ANKRD55: variants seen among roughly 807,000 people sequenced by gnomAD.
ANKRD55 encodes ankyrin repeat domain 55.
A neutral mutation model predicts 60.6 loss-of-function variants in ANKRD55; 41 were observed. The observed-to-expected ratio is 0.68, with a 90% CI of 0.53 to 0.88. ANKRD55 has a LOEUF of 0.88. Ranked by LOEUF, ANKRD55 falls within the 40% of genes least tolerant of loss-of-function variation. The pLI, the probability that ANKRD55 is intolerant of heterozygous loss-of-function variation, is 0.00. For synonymous variants in ANKRD55, 264 were observed against 290.3 expected, an observed-to-expected ratio of 0.91 and a Z score of 0.92; for missense variants, 732 against 767.6, an observed-to-expected ratio of 0.95 and a Z score of 0.55.
chr5:56,191,974 T>C (rs1336575685), intron 2 of ANKRD55, among the ~76,000 whole-genome samples: 1 of 152,234 alleles, frequency 6.6e-6, no homozygotes, highest in Non-Finnish European at 1.5e-5. Flanking sequence ...AAGAAAAGTA[T>C]GACTGATGGT....
intron 2 of ANKRD55, among the ~76,000 whole-genome samples, chr5:56,213,486 A>T (rs533441744): frequency 6.6e-6 from 1 of 152,070 alleles, no homozygotes; most frequent in African/African-American, 2.4e-5. Flanking sequence ...AAAACAACAA[A>T]CAAAAAGTAG....
At chr5:56,181,188 A>G (rs1758842519) in intron 3 of ANKRD55, among the ~76,000 whole-genome samples, 2 of 152,162 alleles carry the variant, frequency 1.3e-5, no homozygotes. Context: ...AAAATGAAAG[A>G]TGTATGCTTT....
intron 7 of ANKRD55, among the ~76,000 whole-genome samples, chr5:56,130,370 A>G (rs1476970887): frequency 2.0e-5 from 3 of 152,196 alleles, no homozygotes; most frequent in Admixed American, 2.0e-4. Flanking sequence ...ACCCAACTCC[A>G]GCCCACTCTA....
At chr5:56,110,233 CAA>C (rs11445540) in intron 10 of ANKRD55, among the ~76,000 whole-genome samples, 63 of 113,868 alleles carry the variant, frequency 5.5e-4, no homozygotes, top group East Asian at 7.7e-4. Context: ...TCCATCTCTA[CAA>C]AAAAAAAAAA....
chr5:56,141,130 GTT>G (rs33972955), intron 7 of ANKRD55, among the ~76,000 whole-genome samples: 32 of 111,762 alleles, frequency 2.9e-4, no homozygotes, highest in African/African-American at 8.3e-4. Flanking sequence ...TGCACACACA[GTT>G]TTTTTTTTTT....
At chr5:56,142,712 C>A (rs1033600018) in intron 7 of ANKRD55, among the ~76,000 whole-genome samples, 3 of 152,214 alleles carry the variant, frequency 2.0e-5, no homozygotes, top group African/African-American at 7.2e-5. Context: ...GTGGTGACCC[C>A]TGACCAGCCA....
chr5:56,210,382 G>A (rs1052368929), intron 2 of ANKRD55, among the ~76,000 whole-genome samples: 1 of 151,934 alleles, frequency 6.6e-6, no homozygotes, highest in Non-Finnish European at 1.5e-5. Context: ...AGACCACGGT[G>A]AAACCCCGTC....
chr5:56,172,156 A>T (rs1325447973), intron 4 of ANKRD55, among the ~76,000 whole-genome samples: 5 of 151,920 alleles, frequency 3.3e-5, no homozygotes, highest in African/African-American at 9.7e-5. Context: ...TAATAAATGC[A>T]TGGAGAAGAA....
intron 7 of ANKRD55, among the ~76,000 whole-genome samples, chr5:56,143,582 G>T (rs185507361): frequency 3.3e-5 from 5 of 152,202 alleles, no homozygotes; most frequent in Non-Finnish European, 5.9e-5. Flanking sequence ...GAGAGAATGA[G>T]AGGGGTATGT....
chr5:56,118,410 G>A (rs1314158219), intron 8 of ANKRD55, among the ~76,000 whole-genome samples: 2 of 152,120 alleles, frequency 1.3e-5, no homozygotes, highest in African/African-American at 2.4e-5. Context: ...TGGATCACAA[G>A]GTCAGGAGAT....
intron 5 of ANKRD55, among the ~76,000 whole-genome samples, chr5:56,168,896 G>A (rs947955618): frequency 2.0e-5 from 3 of 152,190 alleles, no homozygotes; most frequent in African/African-American, 2.4e-5. Context: ...TCACTTTGTC[G>A]CCCAGCCTGG....
intron 2 of ANKRD55, among the ~76,000 whole-genome samples, chr5:56,195,138 A>G (rs1264402573): frequency 6.6e-6 from 1 of 152,218 alleles, no homozygotes; most frequent in Non-Finnish European, 1.5e-5. Flanking sequence ...ATGCTGACTT[A>G]CTATTTTGGG....
intron 7 of ANKRD55, among the ~76,000 whole-genome samples, chr5:56,139,318 G>C: frequency 6.6e-6 from 1 of 152,148 alleles, no homozygotes; most frequent in Non-Finnish European, 1.5e-5. Flanking sequence ...TCTGTTCTGG[G>C]TGTTGAGACA....
chr5:56,156,491 T>TG (rs1285978945), intron 6 of ANKRD55, among the ~76,000 whole-genome samples: 1 of 152,238 alleles, frequency 6.6e-6, no homozygotes, highest in African/African-American at 2.4e-5. Context: ...ATGTCTTTGC[T>TG]GGGGGGTTGC....
In ANKRD55 at chr5:56,157,626, A is replaced by G. The variant is rs1403883101; in HGVS notation, c.483+2207T>C. Reference sequence around the variant, plus strand: ...GGCAATACTGCTCTTTAAGGCATTGAGATGTTTATGTATGTGCACATCAAA... The same window carrying G: ...GGCAATACTGCTCTTTAAGGCATTGGGATGTTTATGTATGTGCACATCAAA... On this transcript the variant is annotated intron_variant, in intron 6 of 11. Coordinates refer to ENST00000341048, the MANE Select transcript of ANKRD55 (RefSeq NM_024669.3). 2.0e-5 allele frequency among the ~76,000 whole-genome samples: 3 copies of G among 152,314 alleles called. No homozygotes were observed. The East Asian group carries it at 5.8e-4, about 29-fold the overall frequency.
intron 2 of ANKRD55, among the ~76,000 whole-genome samples, chr5:56,206,478 T>C (rs1238216943): frequency 1.3e-5 from 2 of 152,212 alleles, no homozygotes; most frequent in Non-Finnish European, 2.9e-5. Context: ...TTGCATACAC[T>C]TGACTTATGC....
In ANKRD55 at chr5:56,100,155, C is replaced by G. The variant is rs768087895; in HGVS notation, c.*28G>C. Reference sequence around the variant, plus strand: ...TTGAGAGTTGAAAATACATATTCATCTACATTTCTGCAGCGAGTGGCCCAC... The same window carrying G: ...TTGAGAGTTGAAAATACATATTCATGTACATTTCTGCAGCGAGTGGCCCAC... On this transcript the variant is annotated 3_prime_UTR_variant, in exon 12 of 12. Coordinates refer to ENST00000341048, the MANE Select transcript of ANKRD55 (RefSeq NM_024669.3). 11 of 1,613,870 alleles carry G rather than the reference C, an allele frequency of 6.8e-6. No individual in the cohort carries two copies. Among genetic ancestry groups the G allele is most frequent in the Non-Finnish European group, 9.3e-6 (11 of 1,179,944 alleles).
At chr5:56,227,415 C>G (rs900648418) in intron 2 of ANKRD55, among the ~76,000 whole-genome samples, 3 of 151,780 alleles carry the variant, frequency 2.0e-5, no homozygotes, top group African/African-American at 4.8e-5. Flanking sequence ...TGCAGCATAC[C>G]AATATGGCAC....
chr5:56,125,341 C>A (rs766751110), intron 8 of ANKRD55, among the ~76,000 whole-genome samples: 1 of 151,524 alleles, frequency 6.6e-6, no homozygotes, highest in Middle Eastern at 3.4e-3. Context: ...AGTGCAATGG[C>A]GCGATCTTGG....
Sources: allele counts gnomAD v4.1 joint callset (sites outside exome capture counted in the v4.1 genomes callset), GRCh38; gene constraint gnomAD v4.1.1; transcripts MANE v1.5; gene names NCBI Gene and HGNC (gene_info 2026-07-23, HGNC 2026-07-21).